NECAB1: variants seen among roughly 807,000 people sequenced by gnomAD.
NECAB1 encodes the protein N-terminal EF-hand calcium binding protein 1.
In NECAB1, 29 loss-of-function variants were observed where a neutral mutation model predicts 57.5. That is an observed-to-expected ratio of 0.50 (90% confidence interval 0.38 to 0.69). NECAB1 has a LOEUF of 0.69. Among genes scored for constraint, NECAB1 ranks in the 30% least tolerant of loss-of-function variants. The pLI is 0.00. For missense variants in NECAB1, 372 were observed against 413.8 expected (o/e 0.90, Z 0.88); for synonymous variants, 142 against 147.7 (o/e 0.96, Z 0.28).
intron 3 of NECAB1, among the ~76,000 whole-genome samples, chr8:90,837,126 T>A (rs1384607832): frequency 1.3e-5 from 2 of 152,222 alleles, no homozygotes; most frequent in African/African-American, 4.8e-5. Context: ...AAAAAATGGT[T>A]CCAAAAAGCC....
At chr8:90,852,702 T>C (rs1483422585) in intron 3 of NECAB1, among the ~76,000 whole-genome samples, 2 of 152,044 alleles carry the variant, frequency 1.3e-5, no homozygotes, top group African/African-American at 4.8e-5. Flanking sequence ...AGCTTGACAG[T>C]GTAACTTTGG....
chr8:90,811,948 A>AC (rs1811967885), intron 2 of NECAB1, among the ~76,000 whole-genome samples: 1 of 152,142 alleles, frequency 6.6e-6, no homozygotes, highest in African/African-American at 2.4e-5. Context: ...TTATATACAC[A>AC]CCCCCAGAGA....
chr8:90,895,209 T>C (rs140309098), intron 5 of NECAB1, among the ~76,000 whole-genome samples: 98 of 152,312 alleles, frequency 6.4e-4, no homozygotes, highest in African/African-American at 2.0e-3. Flanking sequence ...CATCTCCTTG[T>C]TAATATGATG....
At chr8:90,845,817 T>A (rs1033671869) in intron 3 of NECAB1, among the ~76,000 whole-genome samples, 1 of 152,202 alleles carries the variant, frequency 6.6e-6, no homozygotes. Context: ...ATAGAAAAAA[T>A]TTTCCAAAGT....
intron 2 of NECAB1, among the ~76,000 whole-genome samples, chr8:90,816,362 T>C (rs1411621714): frequency 6.6e-6 from 1 of 151,912 alleles, no homozygotes; most frequent in East Asian, 1.9e-4. Flanking sequence ...TTCATTTCAA[T>C]GAAGTCCAAT....
intron 3 of NECAB1, among the ~76,000 whole-genome samples, chr8:90,841,360 A>C (rs1297655465): frequency 6.6e-6 from 1 of 152,210 alleles, no homozygotes; most frequent in African/African-American, 2.4e-5. Context: ...CTTCAAGATT[A>C]ATATCTCCCT....
At chr8:90,950,152 TA>T (rs781656965) in intron 11 of NECAB1, among the ~76,000 whole-genome samples, 19 of 151,910 alleles carry the variant, frequency 1.3e-4, no homozygotes, top group Non-Finnish European at 2.2e-4. Flanking sequence ...AAGATATAGA[TA>T]GGGGGTATGA....
intron 9 of NECAB1, among the ~76,000 whole-genome samples, chr8:90,935,378 T>A (rs1810511232): frequency 6.6e-6 from 1 of 152,194 alleles, no homozygotes; most frequent in Admixed American, 6.5e-5. Flanking sequence ...TTTACCCCGA[T>A]AAGCTAGATT....
At chr8:90,834,164 CAAAAA>C (rs71560282) in intron 3 of NECAB1, among the ~76,000 whole-genome samples, 11 of 49,136 alleles carry the variant, frequency 2.2e-4, no homozygotes, top group Admixed American at 5.5e-4. Flanking sequence ...AACTGTGTCT[CAAAAA>C]AAAAAAAAAA....
intron 5 of NECAB1, among the ~76,000 whole-genome samples, chr8:90,899,770 G>T (rs1226207887): frequency 6.6e-6 from 1 of 151,978 alleles, no homozygotes; most frequent in Non-Finnish European, 1.5e-5. Context: ...TTCCTTCTTT[G>T]TCATAAGAAA....
At chr8:90,802,044 G>A (rs994913489) in intron 2 of NECAB1, among the ~76,000 whole-genome samples, 2 of 152,194 alleles carry the variant, frequency 1.3e-5, no homozygotes, top group African/African-American at 2.4e-5. Flanking sequence ...GCCAGGCATT[G>A]GGCCAAGTGC....
At chr8:90,876,754 A>G (rs1374509074) in intron 4 of NECAB1, among the ~76,000 whole-genome samples, 12 of 152,106 alleles carry the variant, frequency 7.9e-5, no homozygotes, top group Non-Finnish European at 1.6e-4. Flanking sequence ...GGCTTACTAC[A>G]TCTGCTTATA....
At chr8:90,884,015 A>T (rs1301263428) in intron 5 of NECAB1, among the ~76,000 whole-genome samples, 1 of 152,210 alleles carries the variant, frequency 6.6e-6, no homozygotes, top group African/African-American at 2.4e-5. Flanking sequence ...AGTAGGGCTT[A>T]AAAGGAGATT....
intron 9 of NECAB1, among the ~76,000 whole-genome samples, chr8:90,939,564 A>T (rs1191852171): frequency 6.6e-6 from 1 of 152,204 alleles, no homozygotes; most frequent in Non-Finnish European, 1.5e-5. Context: ...GTATTTATAT[A>T]TCTCATTAGG....
Position 90,869,085 on chromosome 8 carries a change from A to G in NECAB1, c.234-3043A>G, listed in dbSNP as rs140949718. Among the ~76,000 whole-genome samples the G allele has an allele frequency of 3.5e-3, 529 of 152,354 alleles. 17 individuals carry two copies. In the East Asian group the frequency reaches 0.085, roughly 25 times the overall value. Reference sequence around the variant, plus strand: ...GGTACAGCTCTTGTTGTTACTTCAGAGGGTGCAAGCCCTAAGCCTTTGCAA... The same window carrying G: ...GGTACAGCTCTTGTTGTTACTTCAGGGGGTGCAAGCCCTAAGCCTTTGCAA... On this transcript the variant is annotated intron_variant, in intron 3 of 12. Coordinates refer to ENST00000417640, the MANE Select transcript of NECAB1 (RefSeq NM_022351.5).
chr8:90,866,447 T>G (rs1808514712), intron 3 of NECAB1, among the ~76,000 whole-genome samples: 1 of 152,214 alleles, frequency 6.6e-6, no homozygotes, highest in South Asian at 2.1e-4. Flanking sequence ...CAGACTATTT[T>G]GCTGACTGAA....
In NECAB1 at chr8:90,853,759, G is replaced by A. The variant is rs571384915; in HGVS notation, c.234-18369G>A. ...TTTGGTCAAGGTCCAGTTGCTTGCTGTGAAGAAAGCCAGTCATTGAGACGA... is the reference window on the plus strand; with the variant it reads ...TTTGGTCAAGGTCCAGTTGCTTGCTATGAAGAAAGCCAGTCATTGAGACGA... On this transcript the variant is annotated intron_variant, in intron 3 of 12. Coordinates refer to ENST00000417640, the MANE Select transcript of NECAB1 (RefSeq NM_022351.5). 3.3e-5 allele frequency among the ~76,000 whole-genome samples: 5 copies of A among 152,292 alleles called. No homozygotes were observed. In the East Asian group the frequency reaches 9.6e-4, roughly 29 times the overall value.
At chr8:90,906,885 A>ATGTATATATATATATATGTATG (rs1563528221) in intron 5 of NECAB1, among the ~76,000 whole-genome samples, 1 of 120,926 alleles carries the variant, frequency 8.3e-6, no homozygotes, top group African/African-American at 3.5e-5. Context: ...ACATATATAT[A>ATGTATATATATATATATGTATG]TATATATATA....
chr8:90,884,775 T>A (rs891687589), intron 5 of NECAB1, among the ~76,000 whole-genome samples: 2 of 152,176 alleles, frequency 1.3e-5, no homozygotes, highest in Non-Finnish European at 2.9e-5. Context: ...ATGAGTTTGC[T>A]TAGGGGAGAG....
Sources: allele counts gnomAD v4.1 joint callset (sites outside exome capture counted in the v4.1 genomes callset), GRCh38; gene constraint gnomAD v4.1.1; transcripts MANE v1.5; gene names NCBI Gene and HGNC (gene_info 2026-07-23, HGNC 2026-07-21).